BANP: variants seen among roughly 807,000 people sequenced by gnomAD.
BANP encodes protein BANP.
A neutral mutation model predicts 68.1 loss-of-function variants in BANP; 11 were observed. The observed-to-expected ratio is 0.16, with a 90% CI of 0.10 to 0.27. The LOEUF (loss-of-function observed/expected upper bound fraction) is 0.27, where lower values mean the gene tolerates loss of function less well. BANP is among the 10% of genes least tolerant of loss of function. The probability of loss-of-function intolerance (pLI) is 1.00; values close to 1 mark genes in which losing one functional copy is unlikely to be tolerated. For missense variants in BANP, 504 were observed against 722.7 expected (o/e 0.70, Z 3.47); for synonymous variants, 329 against 303.2 (o/e 1.09, Z -0.88).
At chr16:88,024,687 C>T (rs974564792) in intron 7 of BANP, among the ~76,000 whole-genome samples, 1 of 152,232 alleles carries the variant, frequency 6.6e-6, no homozygotes, top group Non-Finnish European at 1.5e-5. Flanking sequence ...AGCACTTGGG[C>T]GGCTGGTCCG....
At chr16:88,052,559 C>T (rs1015444876) in intron 11 of BANP, among the ~76,000 whole-genome samples, 31 of 152,060 alleles carry the variant, frequency 2.0e-4, no homozygotes, top group African/African-American at 7.5e-4. Context: ...CCATCATCAT[C>T]ACCTCCACCT....
At chr16:87,975,387 A>T (rs1053658439) in intron 2 of BANP, among the ~76,000 whole-genome samples, 1 of 152,092 alleles carries the variant, frequency 6.6e-6, no homozygotes, top group Admixed American at 6.6e-5. Context: ...TCCCTTCTGG[A>T]GGGGGCCCCT....
chr16:88,022,388 G>C lies in BANP; in HGVS notation c.895+3721G>C, dbSNP rs145416251. Among the ~76,000 whole-genome samples the C allele has an allele frequency of 5.1e-3, 782 of 152,292 alleles. 7 individuals carry two copies. Among genetic ancestry groups the C allele is most frequent in the African/African-American group, 0.018 (732 of 41,536 alleles). ...TGCTGTGGATGGCCGATCCCCATGA[G>C]ACCTCCTAGCAGTTACGGAAAGACT... is the stretch of plus-strand genomic sequence containing the variant. On this transcript the variant is annotated intron_variant, in intron 7 of 13. Coordinates refer to ENST00000682872, the MANE Select transcript of BANP (RefSeq NM_001386991.1).
chr16:87,955,057 G>A (rs375348421), intron 1 of BANP, among the ~76,000 whole-genome samples: 1 of 152,256 alleles, frequency 6.6e-6, no homozygotes, highest in Non-Finnish European at 1.5e-5. Flanking sequence ...GACCCGTGTG[G>A]TAGCAAAGAC....
intron 4 of BANP, among the ~76,000 whole-genome samples, chr16:87,992,623 G>A (rs1330778740): frequency 2.6e-5 from 4 of 152,052 alleles, no homozygotes; most frequent in East Asian, 3.9e-4. Context: ...GCGAAACCCC[G>A]TCTCTACTAA....
chr16:87,968,347 G>A (rs914442087), intron 1 of BANP, among the ~76,000 whole-genome samples: 3 of 151,950 alleles, frequency 2.0e-5, no homozygotes, highest in African/African-American at 7.3e-5. Context: ...AGCCGGGCAT[G>A]GTGGTGTGCA....
intron 6 of BANP, among the ~76,000 whole-genome samples, chr16:88,013,921 G>C (rs1373009719): frequency 6.6e-6 from 1 of 152,204 alleles, no homozygotes; most frequent in Non-Finnish European, 1.5e-5. Context: ...GATGGGAACC[G>C]GTAGACTGGG....
chr16:87,964,540 G>A (rs1390855026), intron 1 of BANP, among the ~76,000 whole-genome samples: 1 of 152,268 alleles, frequency 6.6e-6, no homozygotes, highest in African/African-American at 2.4e-5. Flanking sequence ...CAGGGGCCGA[G>A]TGAGCGTGGC....
intron 11 of BANP, among the ~76,000 whole-genome samples, chr16:88,059,131 GTGCTGAGGTCCGTGCTCCTGC>G (rs1236699334): frequency 6.8e-4 from 103 of 151,368 alleles, no homozygotes; most frequent in African/African-American, 2.2e-3. Flanking sequence ...TCCTGCTGGT[GTGCTGAGGTCCGTGCTCCTGC>G]TGGTGTGCTG....
At position 88,027,383 on chromosome 16, in the gene BANP, G is replaced by T; in HGVS notation, c.896-100G>T. 14 of 1,350,136 alleles carry T rather than the reference G, an allele frequency of 1.0e-5. No homozygotes were observed. In the South Asian group the frequency reaches 1.8e-4, roughly 17 times the overall value. The allele number at this position is 1,350,136 out of a possible 1,614,324, so 83.6% of individuals were successfully genotyped here. On this transcript the variant is annotated intron_variant, in intron 7 of 13. Coordinates refer to ENST00000682872, the MANE Select transcript of BANP (RefSeq NM_001386991.1). ...GCCGGCCTGGCGGGCTGGGGTGCCT[G>T]GGTGAGGCCTCTTCAGCGGGCCCCG...
At chr16:87,988,855 G>A (rs2065150863) in intron 4 of BANP, among the ~76,000 whole-genome samples, 1 of 152,190 alleles carries the variant, frequency 6.6e-6, no homozygotes, top group Non-Finnish European at 1.5e-5. Flanking sequence ...CCTCAAGGGC[G>A]GGCACAGCCT....
At chr16:88,058,526 TTCAC>T (rs2085762072) in intron 11 of BANP, among the ~76,000 whole-genome samples, 1 of 152,140 alleles carries the variant, frequency 6.6e-6, no homozygotes, top group Non-Finnish European at 1.5e-5. Flanking sequence ...GGGATTCCTC[TTCAC>T]TCTGACCACC....
At chr16:88,076,506 A>G (rs2152938733) in intron 13 of BANP, 84 bp from the exon 14 acceptor site, 1 of 1,239,874 alleles carries the variant, frequency 8.1e-7, no homozygotes, top group East Asian at 2.4e-5. Flanking sequence ...ATTCTGCCTT[A>G]AAGTCACTGG....
At chr16:88,039,948 C>T (rs2080332800) in intron 11 of BANP, among the ~76,000 whole-genome samples, 1 of 152,210 alleles carries the variant, frequency 6.6e-6, no homozygotes, top group Non-Finnish European at 1.5e-5. Flanking sequence ...AATAAAGCTG[C>T]CGTACTACCA....
At chr16:88,005,992 C>A in intron 5 of BANP, 98 bp from the exon 6 acceptor site, 1 of 1,448,038 alleles carries the variant, frequency 6.9e-7, no homozygotes, top group Non-Finnish European at 9.7e-7. Flanking sequence ...TCCACTGGTC[C>A]ACACAGAGTT....
chr16:88,076,084 C>T lies in BANP; in HGVS notation c.1522-506C>T, dbSNP rs2091544398. Among the ~76,000 whole-genome samples the T allele has an allele frequency of 3.3e-5, 5 of 152,322 alleles. No individual in the cohort carries two copies. The South Asian group carries it at 1.0e-3, about 32-fold the overall frequency. ...TTTAAGATAAAGCTGTGATTTCGTA[C>T]TTGAAGTCCTTTTAATATCTGTAAC... On this transcript the variant is annotated intron_variant, in intron 13 of 13. Coordinates refer to ENST00000682872, the MANE Select transcript of BANP (RefSeq NM_001386991.1).
intron 3 of BANP, among the ~76,000 whole-genome samples, chr16:87,983,579 C>T (rs1406113880): frequency 2.6e-5 from 4 of 152,068 alleles, no homozygotes; most frequent in African/African-American, 7.2e-5. Flanking sequence ...CCCACGGGAG[C>T]CTCAGGACCA....
chr16:88,012,494 T>C (rs550605172), intron 6 of BANP, among the ~76,000 whole-genome samples: 1 of 152,350 alleles, frequency 6.6e-6, no homozygotes, highest in South Asian at 2.1e-4. Flanking sequence ...TCTAAGGCTC[T>C]GAACAACCGT....
At chr16:87,949,939 G>A (rs1373959515), upstream of BANP, among the ~76,000 whole-genome samples, 1 of 149,522 alleles carries the variant, frequency 6.7e-6, no homozygotes, top group African/African-American at 2.5e-5. Flanking sequence ...GTCCAGTGGC[G>A]CCATCTCGGC....
Sources: gnomAD v4.1 joint callset for allele counts (sites outside exome capture counted in the v4.1 genomes callset) on GRCh38, gnomAD v4.1.1 for gene constraint, MANE v1.5 for transcripts, NCBI Gene and HGNC (gene_info 2026-07-23, HGNC 2026-07-21) for gene names.